GLIS3: variants seen among roughly 807,000 people sequenced by gnomAD.
GLIS3 encodes the protein GLIS family zinc finger 3.
Under a neutral mutation model 78.6 loss-of-function variants are expected in GLIS3, and 53 were observed. The observed-to-expected ratio is 0.67, with a 90% CI of 0.54 to 0.85. The LOEUF (loss-of-function observed/expected upper bound fraction) is 0.85, where lower values mean the gene tolerates loss of function less well. Among genes scored for constraint, GLIS3 ranks in the 40% least tolerant of loss-of-function variants. GLIS3 has a pLI of 0.00. For synonymous variants in GLIS3, 684 were observed against 509.9 expected (o/e 1.34, Z -4.60); for missense variants, 1,703 against 1,231.1 (o/e 1.38, Z -5.74).
At chr9:3,869,159 A>G (rs1255266926) in intron 8 of GLIS3, among the ~76,000 whole-genome samples, 3 of 152,028 alleles carry the variant, frequency 2.0e-5, no homozygotes, top group Admixed American at 2.0e-4. Context: ...CAGTAAACAA[A>G]TAAACCTCTA....
At chr9:4,147,814 CCA>C (rs1491351847) in intron 2 of GLIS3, among the ~76,000 whole-genome samples, 2 of 19,770 alleles carry the variant, frequency 1.0e-4, no homozygotes, top group Non-Finnish European at 4.6e-4. Context: ...TGAGTTCATA[CCA>C]AAAAAAAAAA....
chr9:4,357,282 A>T, the GLIS3 span, among the ~76,000 whole-genome samples: 1 of 152,168 alleles, frequency 6.6e-6, no homozygotes, highest in Non-Finnish European at 1.5e-5. Flanking sequence ...AGATTGAATA[A>T]AGCAGATTGC....
At chr9:3,976,772 G>A (rs943448185) in intron 4 of GLIS3, among the ~76,000 whole-genome samples, 1 of 101,718 alleles carries the variant, frequency 9.8e-6, no homozygotes, top group Admixed American at 1.5e-4. Context: ...TCTATGGCAT[G>A]GGAGACAGAA....
chr9:4,250,867 T>G lies in GLIS3; in HGVS notation c.388+35171A>C, dbSNP rs964343388. The stretch of plus-strand genomic sequence containing the variant: ...TTTATTTCTGCCTTAATTTCGTTAT[T>G]TACCCAGTAGTCATTCAGGAGCAGG... On this transcript the variant is annotated intron_variant, in intron 2 of 10. Transcript: ENST00000381971. Among the ~76,000 whole-genome samples the G allele has an allele frequency of 2.0e-5, 3 of 152,352 alleles. No homozygotes were observed. In the South Asian group the frequency reaches 6.2e-4, roughly 32 times the overall value.
intron 4 of GLIS3, among the ~76,000 whole-genome samples, chr9:4,027,354 T>C (rs571660586): frequency 2.0e-4 from 31 of 152,346 alleles, no homozygotes; most frequent in African/African-American, 7.5e-4. Flanking sequence ...AGCAGGAGTT[T>C]TGCTAAAATA....
chr9:4,285,547 A>C (rs10974437), intron 2 of GLIS3: 1 of 152,236 alleles, frequency 6.6e-6, no homozygotes, highest in Non-Finnish European at 1.5e-5. Context: ...TTGATTCCTC[A>C]TTTTATTGGT....
At chr9:4,436,206 TGGAAACAACTATA>T in the GLIS3 span, among the ~76,000 whole-genome samples, 1 of 152,100 alleles carries the variant, frequency 6.6e-6, no homozygotes, top group Non-Finnish European at 1.5e-5. Context: ...AGTAAAAAAT[TGGAAACAACTATA>T]GGGAAATGTT....
intron 2 of GLIS3, among the ~76,000 whole-genome samples, chr9:4,157,770 G>T (rs1056985927): frequency 6.6e-6 from 1 of 152,138 alleles, no homozygotes; most frequent in South Asian, 2.1e-4. Context: ...CAAGATGTCA[G>T]TGTAACCAGG....
chr9:4,024,255 G>A, intron 4 of GLIS3, among the ~76,000 whole-genome samples: 1 of 152,188 alleles, frequency 6.6e-6, no homozygotes, highest in Admixed American at 6.5e-5. Flanking sequence ...TTCTCAAAAA[G>A]GAAGTTTATC....
the GLIS3 span, among the ~76,000 whole-genome samples, chr9:4,484,135 T>C: frequency 6.6e-6 from 1 of 152,218 alleles, no homozygotes; most frequent in African/African-American, 2.4e-5. Flanking sequence ...TTTGCAAAAT[T>C]ATAACAGTAA....
At chr9:3,901,905 G>C (rs1481057485) in intron 6 of GLIS3, among the ~76,000 whole-genome samples, 1 of 152,140 alleles carries the variant, frequency 6.6e-6, no homozygotes, top group Non-Finnish European at 1.5e-5. Context: ...AATGAGTTCT[G>C]GTGATCACTT....
intron 4 of GLIS3, among the ~76,000 whole-genome samples, chr9:4,079,765 A>C (rs1828392309): frequency 2.0e-5 from 3 of 152,066 alleles, no homozygotes; most frequent in Admixed American, 6.5e-5. Context: ...AAAAAGAAAA[A>C]AGAAAACCTA....
chr9:3,934,409 GA>G (rs1319409714), intron 5 of GLIS3, among the ~76,000 whole-genome samples: 4 of 147,008 alleles, frequency 2.7e-5, no homozygotes, highest in Admixed American at 2.0e-4. Flanking sequence ...TTTTCTATTT[GA>G]TTTTTTTTTT....
At chr9:4,152,053 G>C (rs146685614) in intron 2 of GLIS3, 24 of 721,690 alleles carry the variant, frequency 3.3e-5, no homozygotes, top group Middle Eastern at 7.1e-4. Context: ...AACCCTCCCA[G>C]TCTCATATCT....
intron 2 of GLIS3, among the ~76,000 whole-genome samples, chr9:4,134,645 C>T (rs931243403): frequency 5.3e-5 from 8 of 152,146 alleles, no homozygotes; most frequent in South Asian, 2.1e-4. Flanking sequence ...GATTATGTTA[C>T]GGAATGATAT....
chr9:3,871,411 C>A (rs1167519543), intron 8 of GLIS3, among the ~76,000 whole-genome samples: 1 of 152,222 alleles, frequency 6.6e-6, no homozygotes, highest in Admixed American at 6.5e-5. Context: ...CCCCACATTT[C>A]CCTTTTGCAT....
At chr9:4,239,883 A>C (rs1823127111) in intron 2 of GLIS3, among the ~76,000 whole-genome samples, 1 of 152,164 alleles carries the variant, frequency 6.6e-6, no homozygotes, top group African/African-American at 2.4e-5. Flanking sequence ...GTATTTCCTA[A>C]CTCTGTATCA....
chr9:4,377,005 C>G, the GLIS3 span, among the ~76,000 whole-genome samples: 2 of 135,442 alleles, frequency 1.5e-5, 1 homozygote, highest in Middle Eastern at 8.8e-3. Context: ...ACTTACTAGC[C>G]CAATAACTTG....
At chr9:3,966,446 T>C (rs1024768406) in intron 4 of GLIS3, among the ~76,000 whole-genome samples, 1 of 152,096 alleles carries the variant, frequency 6.6e-6, no homozygotes, top group African/African-American at 2.4e-5. Context: ...CTTTTTTTTT[T>C]CAGATAATGC....
Sources: allele counts gnomAD v4.1 joint callset (sites outside exome capture counted in the v4.1 genomes callset), GRCh38; gene constraint gnomAD v4.1.1; transcripts MANE v1.5; gene names NCBI Gene and HGNC (gene_info 2026-07-23, HGNC 2026-07-21).